The following PEX11A variants were observed in gnomAD, a reference collection of about 807,000 sequenced individuals.
PEX11A encodes the protein peroxisomal membrane protein 11A.
A neutral mutation model predicts 14.4 loss-of-function variants in PEX11A; 13 were observed. That is an observed-to-expected ratio of 0.90 (90% CI 0.59 to 1.43). The LOEUF is 1.43. PEX11A is among the 40% of genes most tolerant of loss of function. The probability of loss-of-function intolerance (pLI) is 0.00; values close to 1 mark genes in which losing one functional copy is unlikely to be tolerated. For synonymous variants in PEX11A, 101 were observed against 113.0 expected (o/e 0.89, Z 0.67); for missense variants, 290 against 302.8 (o/e 0.96, Z 0.31).
In PEX11A at chr15:89,683,877, G is replaced by T. The variant is rs1352694154; in HGVS notation, c.244C>A (p.Pro82Thr). 1 of 1,613,902 alleles carries T rather than the reference G, an allele frequency of 6.2e-7. No individual in the cohort carries two copies. The highest frequency in any genetic ancestry group is 1.3e-5 in the African/African-American group (1 of 74,914). The change falls in exon 3 of 3, where the codon CCT (proline) becomes ACT (threonine). Residue 82 changes from proline (P) to threonine (T), a missense_variant. By Grantham distance (38) the Pro-to-Thr change is conservative. Coordinates refer to ENST00000300056, the MANE Select transcript of PEX11A (RefSeq NM_003847.3). ...TTGGCTAATGTTAAGCATAAGCGAGGTACCAGGTCAGTGGCATGAATGCTC... is the reference window on the plus strand; with the variant it reads ...TTGGCTAATGTTAAGCATAAGCGAGTTACCAGGTCAGTGGCATGAATGCTC... ...EQSIHATDLV[P>T]RLCLTLANLN...
intron 2 of PEX11A, among the ~76,000 whole-genome samples, chr15:89,684,507 C>T (rs1351145698): frequency 6.6e-6 from 1 of 152,158 alleles, no homozygotes; most frequent in Non-Finnish European, 1.5e-5. Context: ...GAGTCTGATG[C>T]CTTGCATTTT....
chr15:89,684,183 G>A (rs908929495), intron 2 of PEX11A, among the ~76,000 whole-genome samples: 3 of 152,174 alleles, frequency 2.0e-5, no homozygotes, highest in East Asian at 1.9e-4. Context: ...TTATAGGCAC[G>A]AGCCAGTGTG....
chr15:89,686,486 C>T lies in PEX11A; in HGVS notation c.117G>A (p.Glu39=). ...GTTTCTTGAGCTTCATTACCACCTT[C>T]TCTTTGCCAGCTTTGGGCTCTAACA... ...RYLLEPKAGK[E]KVVMKLKKLE... Residue 39 remains glutamate (E), a synonymous_variant, in exon 2 of 3, where the codon GAG becomes GAA. Transcript: ENST00000300056. The T allele has an allele frequency of 6.2e-7, 1 of 1,609,102 alleles. No individual in the cohort carries two copies. The highest frequency in any genetic ancestry group is 8.5e-7 in the Non-Finnish European group (1 of 1,175,472).
At position 89,681,573 on chromosome 15, in the gene PEX11A, C is replaced by T; in HGVS notation, c.*1804G>A. On this transcript the variant is annotated 3_prime_UTR_variant, in exon 3 of 3. Transcript: ENST00000300056. Reference sequence around the variant, plus strand: ...TTTATTGAACATAGTTAATCTATTACAGTAGAGGATCTGGACAATAAAAAT... The same window carrying T: ...TTTATTGAACATAGTTAATCTATTATAGTAGAGGATCTGGACAATAAAAAT... The T allele has an allele frequency of 1.4e-6, 1 of 701,288 alleles. No individual in the cohort carries two copies. Among genetic ancestry groups the T allele is most frequent in the Non-Finnish European group, 2.6e-6 (1 of 384,340 alleles). The allele number at this position is 701,288 out of a possible 1,614,324, so 43.4% of individuals were successfully genotyped here. A position where few individuals can be genotyped will look rare whatever the true frequency, so the allele number is the denominator to read the frequency against.
In PEX11A at chr15:89,682,512, T is replaced by C. The variant is rs8179078; in HGVS notation, c.*865A>G. The C allele has an allele frequency of 0.075, 11,382 of 152,272 alleles. 563 individuals are homozygous for C. Among genetic ancestry groups the C allele is most frequent in the East Asian group, 0.13 (698 of 5,182 alleles). The allele number at this position is 152,272 out of a possible 1,614,324, so 9.4% of individuals were successfully genotyped here. On this transcript the variant is annotated 3_prime_UTR_variant, in exon 3 of 3. Transcript: ENST00000300056. ...TTTTCTAGAAAAGAATATAAACCAC[T>C]GGACAAGGAAATTTCCAAATTATGG... is the stretch of plus-strand genomic sequence containing the variant.
At chr15:89,686,674 T>C in intron 1 of PEX11A, 128 bp from the exon 2 acceptor site, 2 of 576,562 alleles carry the variant, frequency 3.5e-6, no homozygotes, top group Non-Finnish European at 3.1e-6. Context: ...ATGTAGCAAC[T>C]CTTACAAAAG....
At position 89,690,694 on chromosome 15, in the gene PEX11A, C is replaced by T; in HGVS notation, c.-62G>A. The T allele has an allele frequency of 1.6e-6, 2 of 1,245,410 alleles. No homozygotes were observed. Among genetic ancestry groups the T allele is most frequent in the Non-Finnish European group, 1.1e-6 (1 of 872,900 alleles). 77.1% of individuals were successfully genotyped at this position (1,245,410 alleles called of 1,614,324 possible). Reference sequence around the variant, plus strand: ...CAGGCGTGGGTCCTCTGGGGCCCGTCGGATCCCCAGGGAACGGTCAGTCCC... The same window carrying T: ...CAGGCGTGGGTCCTCTGGGGCCCGTTGGATCCCCAGGGAACGGTCAGTCCC... On this transcript the variant is annotated 5_prime_UTR_variant, in exon 1 of 3. Coordinates refer to ENST00000300056, the MANE Select transcript of PEX11A (RefSeq NM_003847.3).
At position 89,690,572 on chromosome 15, in the gene PEX11A, C is replaced by T. The variant is rs1016081037; in HGVS notation, c.56+5G>A. 9.7e-6 allele frequency: 15 copies of T among 1,550,186 alleles called. No homozygotes were observed. Among genetic ancestry groups the T allele is most frequent in the Non-Finnish European group, 1.1e-5 (13 of 1,146,152 alleles). On this transcript the variant is annotated splice_donor_5th_base_variant and intron_variant, in intron 1 of 2. Transcript: ENST00000300056. ...AGGGGCGGAGGCCGCTGGCACCTGA[C>T]TCACCTGAAGAGTCGGTCCCGGCCC...
intron 1 of PEX11A, among the ~76,000 whole-genome samples, chr15:89,689,848 A>G (rs543279275): frequency 1.3e-5 from 2 of 152,348 alleles, no homozygotes; most frequent in Non-Finnish European, 2.9e-5. Context: ...GAGGTATTTG[A>G]GACCGGGCGC....
chr15:89,686,121 C>T (rs1001475121), intron 2 of PEX11A, among the ~76,000 whole-genome samples: 1 of 152,210 alleles, frequency 6.6e-6, no homozygotes, highest in African/African-American at 2.4e-5. Flanking sequence ...AAGCTCATGT[C>T]AGAGACTGCT....
intron 2 of PEX11A, 146 bp from the exon 3 acceptor site, chr15:89,684,094 G>A (rs184871219): frequency 3.9e-5 from 24 of 614,224 alleles, no homozygotes; most frequent in Non-Finnish European, 6.3e-5. Context: ...GGAGTGCAGC[G>A]GCACCATCAC....
Position 89,681,551 on chromosome 15 carries a change from A to T in PEX11A, c.*1826T>A. The T allele has an allele frequency of 1.4e-6, 1 of 702,252 alleles. No homozygotes were observed. 43.5% of individuals were successfully genotyped at this position (702,252 alleles called of 1,614,324 possible). ...ACAAGTCAATTTTGTCTAGAAATTT[A>T]TTGAACATAGTTAATCTATTACAGT... is the stretch of plus-strand genomic sequence containing the variant. On this transcript the variant is annotated 3_prime_UTR_variant, in exon 3 of 3. Transcript: ENST00000300056.
At position 89,690,572 on chromosome 15, in the gene PEX11A, C is replaced by G; in HGVS notation, c.56+5G>C. 1 of 1,550,306 alleles carries G rather than the reference C, an allele frequency of 6.5e-7. No individual in the cohort carries two copies. The highest frequency in any genetic ancestry group is 8.7e-7 in the Non-Finnish European group (1 of 1,146,144). On this transcript the variant is annotated splice_donor_5th_base_variant and intron_variant, in intron 1 of 2. Coordinates refer to ENST00000300056, the MANE Select transcript of PEX11A (RefSeq NM_003847.3). ...AGGGGCGGAGGCCGCTGGCACCTGA[C>G]TCACCTGAAGAGTCGGTCCCGGCCC...
chr15:89,690,702 C>G lies in PEX11A; in HGVS notation c.-70G>C. On this transcript the variant is annotated 5_prime_UTR_variant, in exon 1 of 3. Transcript: ENST00000300056. Reference sequence around the variant, plus strand: ...GGTCCTCTGGGGCCCGTCGGATCCCCAGGGAACGGTCAGTCCCAGGTTATC... The same window carrying G: ...GGTCCTCTGGGGCCCGTCGGATCCCGAGGGAACGGTCAGTCCCAGGTTATC... 1 of 1,164,718 alleles carries G rather than the reference C, an allele frequency of 8.6e-7. No individual in the cohort carries two copies. The highest frequency in any genetic ancestry group is 1.2e-6 in the Non-Finnish European group (1 of 800,964). The allele number at this position is 1,164,718 out of a possible 1,614,324, so 72.1% of individuals were successfully genotyped here. A position where few individuals can be genotyped will look rare whatever the true frequency, so the allele number is the denominator to read the frequency against.
At chr15:89,690,309 G>T (rs1231113178) in intron 1 of PEX11A, among the ~76,000 whole-genome samples, 1 of 152,230 alleles carries the variant, frequency 6.6e-6, no homozygotes, top group Non-Finnish European at 1.5e-5. Flanking sequence ...CCGGTGTCCC[G>T]TCGTCGGCGG....
rs763953814 is a variant in PEX11A at position 89,683,608 on chromosome 15, C to T, written c.513G>A (p.Glu171=). The T allele has an allele frequency of 6.2e-6, 10 of 1,614,088 alleles. No individual in the cohort carries two copies. The highest frequency in any genetic ancestry group is 6.8e-6 in the Non-Finnish European group (8 of 1,179,920). ...SQDPLWFSVA[E]EETEWLQSFL... Reference sequence around the variant, plus strand: ...AGGATTGGAGCCATTCTGTTTCCTCCTCAGCCACGCTGAACCAAAGAGGAT... The same window carrying T: ...AGGATTGGAGCCATTCTGTTTCCTCTTCAGCCACGCTGAACCAAAGAGGAT... The change falls in exon 3 of 3, where the codon GAG becomes GAA. Residue 171 remains glutamate (E), a synonymous_variant. Transcript: ENST00000300056.
In PEX11A at chr15:89,683,743, G is replaced by A. The variant is rs192593991; in HGVS notation, c.378C>T (p.His126=). The change falls in exon 3 of 3, where the codon CAC becomes CAT. Residue 126 remains histidine, a synonymous_variant. Transcript: ENST00000300056. ...KEKWRTRAAH[H]YYYSLLLSLV... is the part of the protein sequence containing the mutation. ...GGCTCAGCAGAAGAGAATAGTAGTAGTGGTGAGCAGCCCTCGTTCGCCATT... is the reference window on the plus strand; with the variant it reads ...GGCTCAGCAGAAGAGAATAGTAGTAATGGTGAGCAGCCCTCGTTCGCCATT... The A allele has an allele frequency of 2.5e-6, 4 of 1,614,076 alleles. No homozygotes were observed. Among genetic ancestry groups the A allele is most frequent in the East Asian group, 4.5e-5 (2 of 44,882 alleles).
chr15:89,684,063 T>C, intron 2 of PEX11A, 115 bp from the exon 3 acceptor site: 1 of 706,876 alleles, frequency 1.4e-6, no homozygotes, highest in South Asian at 1.8e-5. Context: ...TGAGACAGGG[T>C]CTTGCTCTGT....
At chr15:89,689,867 G>T (rs940514381) in intron 1 of PEX11A, among the ~76,000 whole-genome samples, 1 of 152,112 alleles carries the variant, frequency 6.6e-6, no homozygotes, top group Admixed American at 6.5e-5. Context: ...GCGGTGGCTC[G>T]CACCTGTAAT....
Sources: allele counts gnomAD v4.1 joint callset (sites outside exome capture counted in the v4.1 genomes callset), GRCh38; gene constraint gnomAD v4.1.1; transcripts MANE v1.5; gene names NCBI Gene and HGNC (gene_info 2026-07-23, HGNC 2026-07-21).